Variants in ACER3 observed in about 807,000 individuals in gnomAD.
The protein encoded by ACER3 is alkaline ceramidase 3.
Under a neutral mutation model 48.9 loss-of-function variants are expected in ACER3, and 16 were observed. That is an observed-to-expected ratio of 0.33 (90% CI 0.22 to 0.50). ACER3 has a LOEUF of 0.50. Ranked by LOEUF, ACER3 falls within the 20% of genes least tolerant of loss-of-function variation. The pLI, the probability that ACER3 is intolerant of heterozygous loss-of-function variation, is 0.98. For missense variants in ACER3, 227 were observed against 326.0 expected (o/e 0.70, Z 2.34); for synonymous variants, 109 against 107.8 (o/e 1.01, Z -0.07).
intron 6 of ACER3, among the ~76,000 whole-genome samples, chr11:76,995,045 T>TA (rs1948884474): frequency 2.0e-5 from 3 of 152,198 alleles, no homozygotes; most frequent in South Asian, 2.1e-4. Context: ...AAGGATTTTT[T>TA]TAAAAACTAG....
At position 76,923,297 on chromosome 11, in the gene ACER3, A is replaced by G. The variant is rs1001770113; in HGVS notation, c.104-3260A>G. 3.3e-5 allele frequency among the ~76,000 whole-genome samples: 5 copies of G among 152,216 alleles called. No individual in the cohort carries two copies. The East Asian group carries it at 7.7e-4, about 23-fold the overall frequency. On this transcript the variant is annotated intron_variant, in intron 1 of 10. Coordinates refer to ENST00000532485, the MANE Select transcript of ACER3 (RefSeq NM_018367.7). ...GATAGTAACATATCCTTCACCTCCAAGTTTTATTTTATTCCTTTGTAAGCC... is the reference window on the plus strand; with the variant it reads ...GATAGTAACATATCCTTCACCTCCAGGTTTTATTTTATTCCTTTGTAAGCC...
At chr11:76,863,874 A>G (rs1480265581) in intron 1 of ACER3, among the ~76,000 whole-genome samples, 1 of 152,250 alleles carries the variant, frequency 6.6e-6, no homozygotes, top group Non-Finnish European at 1.5e-5. Context: ...TAGTGTTCAC[A>G]TTGAAGTCTG....
intron 3 of ACER3, among the ~76,000 whole-genome samples, chr11:76,964,359 C>A (rs1948080948): frequency 6.6e-6 from 1 of 151,428 alleles, no homozygotes; most frequent in South Asian, 2.1e-4. Context: ...AGGAGGCCTG[C>A]CTGCCTCTAT....
intron 1 of ACER3, chr11:76,868,175 G>A (rs1945143928): frequency 7.8e-7 from 1 of 1,289,658 alleles, no homozygotes; most frequent in African/African-American, 1.5e-5. Context: ...GCACACATCA[G>A]GCTTCTTTTT....
intron 6 of ACER3, among the ~76,000 whole-genome samples, chr11:76,995,679 T>A (rs1267543401): frequency 6.6e-6 from 1 of 152,096 alleles, no homozygotes; most frequent in Non-Finnish European, 1.5e-5. Flanking sequence ...GCCAGCCAGA[T>A]AAAATCAGTT....
intron 1 of ACER3, among the ~76,000 whole-genome samples, chr11:76,904,592 C>T (rs2372387): frequency 0.4 from 60,698 of 151,842 alleles, 14,857 homozygotes; most frequent in Non-Finnish European, 0.56. Flanking sequence ...GTGTCATGGA[C>T]GTGGTCACTC....
At chr11:76,920,378 C>T (rs1471179171) in intron 1 of ACER3, among the ~76,000 whole-genome samples, 1 of 152,192 alleles carries the variant, frequency 6.6e-6, no homozygotes, top group Non-Finnish European at 1.5e-5. Flanking sequence ...ATGGGTATAG[C>T]ACCACAGCAA....
In ACER3 at chr11:76,868,810, A is replaced by G. The variant is rs538128219; in HGVS notation, c.103+7731A>G. Reference sequence around the variant, plus strand: ...ATCATGCCTATCCAGTGAAGTCTCCATAAAAGGTTCAAGAGGACAGGGTTT... The same window carrying G: ...ATCATGCCTATCCAGTGAAGTCTCCGTAAAAGGTTCAAGAGGACAGGGTTT... On this transcript the variant is annotated intron_variant, in intron 1 of 10. Coordinates refer to ENST00000532485, the MANE Select transcript of ACER3 (RefSeq NM_018367.7). Among the ~76,000 whole-genome samples the G allele has an allele frequency of 1.1e-4, 16 of 152,300 alleles. No homozygotes were observed. In the South Asian group the frequency reaches 3.1e-3, roughly 30 times the overall value.
At chr11:76,865,619 G>A (rs553890724) in intron 1 of ACER3, among the ~76,000 whole-genome samples, 1 of 143,072 alleles carries the variant, frequency 7.0e-6, no homozygotes, top group African/African-American at 2.6e-5. Flanking sequence ...AGCAATTCTC[G>A]TGCCTCAGCC....
At chr11:76,865,286 G>A (rs1945049807) in intron 1 of ACER3, among the ~76,000 whole-genome samples, 3 of 150,968 alleles carry the variant, frequency 2.0e-5, no homozygotes, top group African/African-American at 7.3e-5. Context: ...TGCCCAGCCG[G>A]GATGAGTACT....
chr11:76,868,191 T>C, intron 1 of ACER3: 1 of 1,289,834 alleles, frequency 7.8e-7, no homozygotes, highest in Non-Finnish European at 1.0e-6. Context: ...TTTTTTGGTC[T>C]TGGGACTCTG....
intron 2 of ACER3, among the ~76,000 whole-genome samples, chr11:76,951,479 T>C (rs1947668096): frequency 6.6e-6 from 1 of 152,220 alleles, no homozygotes; most frequent in African/African-American, 2.4e-5. Context: ...GAGTTCATCA[T>C]TGACTAGAGA....
chr11:76,907,181 A>G (rs747399169), intron 1 of ACER3, among the ~76,000 whole-genome samples: 8 of 152,164 alleles, frequency 5.3e-5, no homozygotes, highest in Admixed American at 1.3e-4. Flanking sequence ...AATCCCTCCA[A>G]TGAGGTACAA....
intron 7 of ACER3, among the ~76,000 whole-genome samples, chr11:77,014,061 C>A (rs1949319290): frequency 6.6e-6 from 1 of 152,168 alleles, no homozygotes; most frequent in Non-Finnish European, 1.5e-5. Context: ...GTGGTGGTTT[C>A]ATGGGTATGT....
At position 76,994,509 on chromosome 11, in the gene ACER3, G is replaced by A. The variant is rs539437941; in HGVS notation, c.438+3935G>A. On this transcript the variant is annotated intron_variant, in intron 6 of 10. Transcript: ENST00000532485. Reference sequence around the variant, plus strand: ...TCAAACTTCTGACCTCAAGTGATCCGCCTGCCTTGGCATCCCAAAGTGCTG... The same window carrying A: ...TCAAACTTCTGACCTCAAGTGATCCACCTGCCTTGGCATCCCAAAGTGCTG... Among the ~76,000 whole-genome samples, 30 of 152,304 alleles carry A rather than the reference G, an allele frequency of 2.0e-4. No individual in the cohort carries two copies. In the East Asian group the frequency reaches 3.9e-3, roughly 20 times the overall value.
At chr11:76,993,818 A>C (rs1440929897) in intron 6 of ACER3, among the ~76,000 whole-genome samples, 1 of 152,218 alleles carries the variant, frequency 6.6e-6, no homozygotes, top group African/African-American at 2.4e-5. Flanking sequence ...TTGCGCTCCT[A>C]TGAGAATCTA....
At chr11:76,868,008 G>A (rs774681926) in intron 1 of ACER3, 1 of 878,054 alleles carries the variant, frequency 1.1e-6, no homozygotes, top group Non-Finnish European at 1.5e-6. Context: ...TGCTGCTGCA[G>A]CACAAGACAA....
intron 3 of ACER3, among the ~76,000 whole-genome samples, chr11:76,960,197 T>C (rs1482911242): frequency 6.6e-6 from 1 of 151,838 alleles, no homozygotes; most frequent in Non-Finnish European, 1.5e-5. Flanking sequence ...GATCACGAGG[T>C]CAGGAGATTG....
At chr11:76,915,225 AAAG>A (rs777931310) in intron 1 of ACER3, among the ~76,000 whole-genome samples, 12 of 152,190 alleles carry the variant, frequency 7.9e-5, no homozygotes, top group Middle Eastern at 3.4e-3. Context: ...GTTAAAAAAA[AAAG>A]ACAGCAAAAG....
Sources: allele counts gnomAD v4.1 joint callset (sites outside exome capture counted in the v4.1 genomes callset), GRCh38; gene constraint gnomAD v4.1.1; transcripts MANE v1.5; gene names NCBI Gene and HGNC (gene_info 2026-07-23, HGNC 2026-07-21).